The following EIF4ENIF1 variants were observed in gnomAD, a reference collection of about 807,000 sequenced individuals.
EIF4ENIF1 encodes the protein eukaryotic translation initiation factor 4E nuclear import factor 1, also known as eukaryotic translation initiation factor 4E transporter.
In EIF4ENIF1, 23 loss-of-function variants were observed where a neutral mutation model predicts 110.5. The observed-to-expected ratio is 0.21, with a 90% confidence interval of 0.15 to 0.29. EIF4ENIF1 has a LOEUF of 0.29. Among genes scored for constraint, EIF4ENIF1 ranks in the 10% least tolerant of loss-of-function variants. EIF4ENIF1 has a pLI of 1.00. For synonymous variants in EIF4ENIF1, 440 were observed against 437.0 expected (o/e 1.01, Z -0.09); for missense variants, 1,031 against 1,221.1 (o/e 0.84, Z 2.32).
At chr22:31,487,831 G>GA (rs2052102859) in intron 2 of EIF4ENIF1, among the ~76,000 whole-genome samples, 2 of 151,064 alleles carry the variant, frequency 1.3e-5, no homozygotes, top group Admixed American at 1.3e-4. Flanking sequence ...CCATACTAAG[G>GA]AAATATATGG....
chr22:31,490,764 C>T (rs890327757), upstream of EIF4ENIF1, among the ~76,000 whole-genome samples: 1 of 152,134 alleles, frequency 6.6e-6, no homozygotes, highest in African/African-American at 2.4e-5. Flanking sequence ...ACCACAAGCA[C>T]CCATTTCTGC....
At chr22:31,463,163 A>G (rs2051053695) in intron 5 of EIF4ENIF1, 30 bp from the exon 6 acceptor site, 9 of 1,604,274 alleles carry the variant, frequency 5.6e-6, no homozygotes, top group Non-Finnish European at 7.7e-6. Flanking sequence ...AAGATTAAAA[A>G]ATTTCTAGTC....
At chr22:31,437,512 C>T (rs772712034), downstream of EIF4ENIF1, among the ~76,000 whole-genome samples, 12 of 137,010 alleles carry the variant, frequency 8.8e-5, no homozygotes, top group Admixed American at 1.6e-4. Context: ...TTGCTAAAAC[C>T]TGTATGTCTA....
chr22:31,461,101 T>G, intron 6 of EIF4ENIF1, among the ~76,000 whole-genome samples: 1 of 152,214 alleles, frequency 6.6e-6, no homozygotes, highest in East Asian at 1.9e-4. Context: ...CATGTGTTCT[T>G]CAATGCTAAA....
chr22:31,449,627 T>TC, intron 11 of EIF4ENIF1, 96 bp from the exon 12 acceptor site: 1 of 1,139,104 alleles, frequency 8.8e-7, no homozygotes, highest in South Asian at 1.5e-5. Flanking sequence ...ACAAGATGGA[T>TC]CTCCCTCATG....
rs781249940 is a variant in EIF4ENIF1, at chr22:31,442,958, G to C, written c.2206+4C>G. The C allele has an allele frequency of 2.5e-6, 4 of 1,613,928 alleles. No individual in the cohort carries two copies. Among genetic ancestry groups the C allele is most frequent in the Non-Finnish European group, 3.4e-6 (4 of 1,179,870 alleles). On this transcript the variant is annotated splice_donor_region_variant and intron_variant, in intron 16 of 18. Transcript: ENST00000330125. ...GAGCAGTGCCCTTAACAGCTCTGCAGTACCTTCACTGGCCTTCTGAGTATC... is the reference window on the plus strand; with the variant it reads ...GAGCAGTGCCCTTAACAGCTCTGCACTACCTTCACTGGCCTTCTGAGTATC...
intron 6 of EIF4ENIF1, among the ~76,000 whole-genome samples, 170 bp from the exon 7 acceptor site, chr22:31,458,820 G>A (rs574835180): frequency 1.5e-4 from 23 of 152,196 alleles, no homozygotes. Context: ...TCTACGGGAG[G>A]CAGAAAAGGA....
At chr22:31,452,597 T>C (rs1294278251) in intron 10 of EIF4ENIF1, among the ~76,000 whole-genome samples, 2 of 152,152 alleles carry the variant, frequency 1.3e-5, no homozygotes, top group Non-Finnish European at 2.9e-5. Flanking sequence ...TTTTAGTTGC[T>C]CACACCAAAA....
rs2051392700 is a variant in EIF4ENIF1 at position 31,471,883 on chromosome 22, G to C, written c.131C>G (p.Ser44Cys). 6.2e-7 allele frequency: 1 copy of C among 1,606,060 alleles called. No homozygotes were observed. Among genetic ancestry groups the C allele is most frequent in the Admixed American group, 1.7e-5 (1 of 57,726 alleles). Residue 44 changes from serine to cysteine, a missense_variant, in exon 3 of 19, where the codon TCC (serine) becomes TGC (cysteine). This residue lies in a region of EIF4ENIF1 where 704 missense variants were observed against 879.7 expected (regional missense o/e 0.80). Coordinates refer to ENST00000330125, the MANE Select transcript of EIF4ENIF1 (RefSeq NM_019843.4). Reference protein sequence around the residue: ...ELLDIKELPHSKQRPSCLSEK... With the variant: ...ELLDIKELPHCKQRPSCLSEK... Reference sequence around the variant, plus strand: ...AGAAAGGCATGAAGGCCTCTGTTTGGAATGGGGGAGTTCTTTTATATCCAA... The same window carrying C: ...AGAAAGGCATGAAGGCCTCTGTTTGCAATGGGGGAGTTCTTTTATATCCAA...
intron 2 of EIF4ENIF1, among the ~76,000 whole-genome samples, chr22:31,474,487 CTTT>C (rs531859600): frequency 2.9e-5 from 4 of 138,150 alleles, no homozygotes; most frequent in African/African-American, 5.3e-5. Context: ...AACATGCCAT[CTTT>C]TTTTTTTTTT....
At chr22:31,478,694 G>A (rs1229342209) in intron 2 of EIF4ENIF1, among the ~76,000 whole-genome samples, 1 of 151,700 alleles carries the variant, frequency 6.6e-6, no homozygotes, top group Middle Eastern at 3.2e-3. Context: ...GCTCAAGCCT[G>A]TAATCCCAGC....
intron 4 of EIF4ENIF1, among the ~76,000 whole-genome samples, chr22:31,464,830 A>G (rs1201766163): frequency 2.0e-5 from 3 of 149,864 alleles, no homozygotes; most frequent in African/African-American, 7.4e-5. Context: ...TCCTTGTGGC[A>G]CTGGGTTAGG....
intron 2 of EIF4ENIF1, among the ~76,000 whole-genome samples, chr22:31,476,601 T>C (rs960534500): frequency 6.6e-6 from 1 of 151,968 alleles, no homozygotes; most frequent in Admixed American, 6.6e-5. Flanking sequence ...AGTTTAAAAA[T>C]AGGAAAATAT....
At chr22:31,473,034 A>G (rs1601628224) in intron 2 of EIF4ENIF1, among the ~76,000 whole-genome samples, 1 of 148,826 alleles carries the variant, frequency 6.7e-6, no homozygotes, top group African/African-American at 2.5e-5. Context: ...CACGAAGCCA[A>G]GTTTTTTTGG....
intron 3 of EIF4ENIF1, among the ~76,000 whole-genome samples, chr22:31,470,829 C>T (rs955712189): frequency 1.3e-5 from 2 of 151,134 alleles, no homozygotes; most frequent in South Asian, 2.1e-4. Flanking sequence ...ACTATAGGCA[C>T]TATAGTACCA....
intron 10 of EIF4ENIF1, chr22:31,450,842 ACTAC>A (rs1569073420): frequency 1.9e-5 from 2 of 106,058 alleles, no homozygotes; most frequent in South Asian, 4.6e-4. Context: ...ATATATATAT[ACTAC>A]ACACACACAC....
At chr22:31,441,000 A>G (rs781611182) in intron 17 of EIF4ENIF1, 132 bp from the exon 18 acceptor site, 62 of 1,247,802 alleles carry the variant, frequency 5.0e-5, no homozygotes, top group Non-Finnish European at 6.7e-5. Context: ...TCACGCCTGT[A>G]ATCCCCAGCA....
rs1409532904 is a variant in EIF4ENIF1, at chr22:31,455,548, G to A, written c.1100-233C>T. 4.6e-5 allele frequency among the ~76,000 whole-genome samples: 7 copies of A among 152,018 alleles called. No individual in the cohort carries two copies. In the East Asian group the frequency reaches 7.7e-4, roughly 17 times the overall value. ...TGAGTAGCTGGGACTACAGATGCCC[G>A]CCACCACGCCTGGCTGATTTTTGTA... On this transcript the variant is annotated intron_variant, in intron 8 of 18. Transcript: ENST00000330125.
In EIF4ENIF1 at chr22:31,439,682, A is replaced by G; in HGVS notation, c.*198T>C. ...GGATTGACAACATTGTGCATCCTGT[A>G]TTCAGACAATGTACACTCCACTCGA... is the stretch of plus-strand genomic sequence containing the variant. On this transcript the variant is annotated 3_prime_UTR_variant, in exon 19 of 19. Coordinates refer to ENST00000330125, the MANE Select transcript of EIF4ENIF1 (RefSeq NM_019843.4). The G allele has an allele frequency of 1.5e-6, 1 of 682,958 alleles. No homozygotes were observed. Among genetic ancestry groups the G allele is most frequent in the Non-Finnish European group, 2.4e-6 (1 of 423,928 alleles). The allele number at this position is 682,958 out of a possible 1,614,324, so 42.3% of individuals were successfully genotyped here. A position where few individuals can be genotyped will look rare whatever the true frequency, so the allele number is the denominator to read the frequency against.
Sources: gnomAD v4.1 joint callset for allele counts (sites outside exome capture counted in the v4.1 genomes callset) on GRCh38, gnomAD v4.1.1 for gene constraint, gnomAD v4.1.1 regional missense constraint, MANE v1.5 for transcripts, NCBI Gene and HGNC (gene_info 2026-07-23, HGNC 2026-07-21) for gene names.